VTI1A: variants seen among roughly 807,000 people sequenced by gnomAD.
VTI1A encodes the protein vesicle transport through interaction with t-SNAREs 1A.
VTI1A carries 22 observed loss-of-function variants against 34.9 expected under a neutral mutation model. The ratio of observed to expected loss-of-function variants is 0.63; its 90% CI spans 0.45 to 0.90. The LOEUF (loss-of-function observed/expected upper bound fraction) is 0.90, where lower values mean the gene tolerates loss of function less well. VTI1A is among the 40% of genes least tolerant of loss of function. The probability of loss-of-function intolerance (pLI) is 0.00; values close to 1 mark genes in which losing one functional copy is unlikely to be tolerated. For missense variants in VTI1A, 268 were observed against 275.6 expected (o/e 0.97, Z 0.20); for synonymous variants, 87 against 97.3 (o/e 0.89, Z 0.62).
At chr10:112,786,942 T>G (rs576944418) in intron 7 of VTI1A, among the ~76,000 whole-genome samples, 2 of 152,358 alleles carry the variant, frequency 1.3e-5, no homozygotes, top group South Asian at 4.1e-4. Flanking sequence ...TGGCATAGTC[T>G]CTCCATTATT....
Position 112,748,312 on chromosome 10 carries a change from A to G in VTI1A, c.561-66978A>G, listed in dbSNP as rs942344927. On this transcript the variant is annotated intron_variant, in intron 7 of 7. Coordinates refer to ENST00000393077, the MANE Select transcript of VTI1A (RefSeq NM_145206.4). ...GTACTGAAAACAACAATAGCCAGAG[A>G]GGCTTTGCCCATTTTTCTCAGGTGG... Among the ~76,000 whole-genome samples the G allele has an allele frequency of 8.4e-4, 128 of 152,224 alleles. 1 individual carries two copies. Among genetic ancestry groups the G allele is most frequent in the African/African-American group, 3.1e-3 (127 of 41,472 alleles).
intron 5 of VTI1A, among the ~76,000 whole-genome samples, chr10:112,657,833 A>C (rs11196038): frequency 0.13 from 19,706 of 151,964 alleles, 1,357 homozygotes; most frequent in Middle Eastern, 0.16. Flanking sequence ...GTGTGTGTAT[A>C]TATATGCCTT....
At chr10:112,621,040 A>G (rs572060495) in intron 5 of VTI1A, among the ~76,000 whole-genome samples, 1 of 152,326 alleles carries the variant, frequency 6.6e-6, no homozygotes, top group East Asian at 1.9e-4. Context: ...CATCCATATG[A>G]AATCTGTTGA....
At chr10:112,791,381 G>A (rs1185906348) in intron 7 of VTI1A, among the ~76,000 whole-genome samples, 3 of 152,162 alleles carry the variant, frequency 2.0e-5, no homozygotes, top group South Asian at 2.1e-4. Context: ...GGCCAGAGGG[G>A]GGTAGCACTG....
intron 5 of VTI1A, among the ~76,000 whole-genome samples, chr10:112,584,413 C>A (rs906316564): frequency 3.3e-5 from 5 of 152,148 alleles, no homozygotes; most frequent in Admixed American, 3.3e-4. Context: ...TGAGTAAGAG[C>A]ACAACGAAAA....
intron 3 of VTI1A, 78 bp from the exon 4 acceptor site, chr10:112,527,009 C>A: frequency 1.4e-6 from 2 of 1,449,284 alleles, no homozygotes; most frequent in Non-Finnish European, 1.9e-6. Context: ...TTGAGATCAG[C>A]CTTGATACCA....
intron 7 of VTI1A, among the ~76,000 whole-genome samples, chr10:112,806,936 G>A (rs1194533267): frequency 6.6e-6 from 1 of 152,178 alleles, no homozygotes; most frequent in Admixed American, 6.5e-5. Context: ...TTTGTGAAAT[G>A]AGTGTTGTGG....
the VTI1A span, among the ~76,000 whole-genome samples, chr10:112,829,274 C>G: frequency 6.6e-6 from 1 of 151,616 alleles, no homozygotes; most frequent in Admixed American, 6.6e-5. Flanking sequence ...GAAACCCCGT[C>G]TCTACTAAAA....
intron 7 of VTI1A, among the ~76,000 whole-genome samples, chr10:112,670,504 A>G (rs1413203717): frequency 1.3e-5 from 2 of 152,180 alleles, no homozygotes; most frequent in Non-Finnish European, 2.9e-5. Context: ...TTCGAAACCA[A>G]TGTATTTCTG....
chr10:112,542,713 T>G (rs1030879379), intron 5 of VTI1A, among the ~76,000 whole-genome samples: 1 of 152,168 alleles, frequency 6.6e-6, no homozygotes, highest in Admixed American at 6.5e-5. Context: ...ACCACAAACC[T>G]ATGTAGTGAT....
chr10:112,706,039 A>G (rs571149011), intron 7 of VTI1A, among the ~76,000 whole-genome samples: 1 of 152,196 alleles, frequency 6.6e-6, no homozygotes, highest in Non-Finnish European at 1.5e-5. Flanking sequence ...GACTGTCACA[A>G]ATGTAGCCTA....
At chr10:112,633,022 T>A (rs1176257016) in intron 5 of VTI1A, among the ~76,000 whole-genome samples, 1 of 152,186 alleles carries the variant, frequency 6.6e-6, no homozygotes, top group African/African-American at 2.4e-5. Context: ...GAAATATTTG[T>A]TACAAAAAGG....
intron 3 of VTI1A, among the ~76,000 whole-genome samples, chr10:112,478,361 A>G (rs1848348583): frequency 6.6e-6 from 1 of 152,208 alleles, no homozygotes; most frequent in African/African-American, 2.4e-5. Context: ...GCGAGGGTCA[A>G]ATAGATAATG....
At chr10:112,575,624 T>C (rs1852302598) in intron 5 of VTI1A, among the ~76,000 whole-genome samples, 1 of 152,240 alleles carries the variant, frequency 6.6e-6, no homozygotes. Flanking sequence ...ACTGCCCTCA[T>C]TTAAATTAGC....
chr10:112,485,549 ATGT>A (rs1848596596), intron 3 of VTI1A, among the ~76,000 whole-genome samples: 1 of 152,200 alleles, frequency 6.6e-6, no homozygotes, highest in Non-Finnish European at 1.5e-5. Context: ...TAAATTAAAC[ATGT>A]TGTGTTTATA....
Position 112,458,581 on chromosome 10 carries a change from A to G in VTI1A, c.95-1943A>G, listed in dbSNP as rs148351696. Reference sequence around the variant, plus strand: ...TGTAGTTTGGGGATAACAAAGGGAAAGGGTTAAGATTAGTAGAATCTACTA... The same window carrying G: ...TGTAGTTTGGGGATAACAAAGGGAAGGGGTTAAGATTAGTAGAATCTACTA... On this transcript the variant is annotated intron_variant, in intron 1 of 7. Coordinates refer to ENST00000393077, the MANE Select transcript of VTI1A (RefSeq NM_145206.4). Among the ~76,000 whole-genome samples the G allele has an allele frequency of 6.9e-3, 1,052 of 152,208 alleles. 14 individuals carry two copies. Among genetic ancestry groups the G allele is most frequent in the African/African-American group, 0.025 (1,023 of 41,534 alleles).
At chr10:112,823,243 C>T (rs1042906672), downstream of VTI1A, among the ~76,000 whole-genome samples, 14 of 152,220 alleles carry the variant, frequency 9.2e-5, no homozygotes, top group Admixed American at 6.5e-5. Flanking sequence ...GCCCTACTTC[C>T]AGGACTGGCC....
chr10:112,505,553 C>T (rs1849399732), intron 3 of VTI1A, among the ~76,000 whole-genome samples: 1 of 151,916 alleles, frequency 6.6e-6, no homozygotes, highest in Admixed American at 6.6e-5. Context: ...ACTTTATTGT[C>T]TTTTTTTAAA....
chr10:112,530,608 ATATAAAGAGTAGAC>A (rs913653835), intron 4 of VTI1A, among the ~76,000 whole-genome samples: 3 of 152,220 alleles, frequency 2.0e-5, no homozygotes, highest in African/African-American at 7.2e-5. Flanking sequence ...AAGATTCAAA[ATATAAAGAGTAGAC>A]TATTTCCAAA....
Sources: allele counts gnomAD v4.1 joint callset (sites outside exome capture counted in the v4.1 genomes callset), GRCh38; gene constraint gnomAD v4.1.1; transcripts MANE v1.5; gene names NCBI Gene and HGNC (gene_info 2026-07-23, HGNC 2026-07-21).